SGCZ: variants seen among roughly 807,000 people sequenced by gnomAD.
SGCZ encodes zeta-sarcoglycan.
SGCZ carries 40 observed loss-of-function variants against 41.3 expected under a neutral mutation model. The ratio of observed to expected loss-of-function variants is 0.97; its 90% CI spans 0.75 to 1.26. The LOEUF is 1.26. Ranked by LOEUF, SGCZ falls within the 50% of genes most tolerant of loss-of-function variation. The pLI, the probability that SGCZ is intolerant of heterozygous loss-of-function variation, is 0.00. For missense variants in SGCZ, 552 were observed against 369.8 expected (o/e 1.49, Z -4.04); for synonymous variants, 206 against 137.5 (o/e 1.50, Z -3.49).
rs557897057 is a variant in SGCZ, at chr8:14,087,233, A to G, written c.*3210T>C. Among the ~76,000 whole-genome samples the G allele has an allele frequency of 6.6e-6, 1 of 151,806 alleles. No homozygotes were observed. The highest frequency in any genetic ancestry group is 2.4e-5 in the African/African-American group (1 of 41,508). On this transcript the variant is annotated 3_prime_UTR_variant, in exon 8 of 8. Coordinates refer to ENST00000382080, the MANE Select transcript of SGCZ (RefSeq NM_139167.4). ...TATGTGTGTGTATGACTAATAAGTA[A>G]GTACCGGATAGAAATTTTGGAAATG...
chr8:14,779,386 A>G (rs765595440), intron 1 of SGCZ, among the ~76,000 whole-genome samples: 1 of 152,172 alleles, frequency 6.6e-6, no homozygotes, highest in African/African-American at 2.4e-5. Context: ...TATTGGACAG[A>G]TGAGTATGCC....
chr8:14,772,665 G>A (rs1453093543), intron 1 of SGCZ, among the ~76,000 whole-genome samples: 1 of 146,096 alleles, frequency 6.8e-6, no homozygotes, highest in Non-Finnish European at 1.5e-5. Flanking sequence ...ACCTATGAGT[G>A]AGAACATGCG....
At chr8:14,388,574 T>C (rs1804653408) in intron 2 of SGCZ, among the ~76,000 whole-genome samples, 1 of 152,118 alleles carries the variant, frequency 6.6e-6, no homozygotes, top group East Asian at 1.9e-4. Context: ...AGAATTTTTA[T>C]GGTACGAGAA....
At chr8:14,654,610 C>T (rs536913921) in intron 1 of SGCZ, among the ~76,000 whole-genome samples, 2 of 152,108 alleles carry the variant, frequency 1.3e-5, no homozygotes, top group South Asian at 2.1e-4. Context: ...CTCGCTCTGT[C>T]GCCCAGGCTG....
At chr8:14,411,058 A>T (rs1799346515) in intron 2 of SGCZ, among the ~76,000 whole-genome samples, 1 of 152,184 alleles carries the variant, frequency 6.6e-6, no homozygotes, top group Admixed American at 6.5e-5. Context: ...TTAAAAAGCT[A>T]AAGAACATTT....
intron 1 of SGCZ, among the ~76,000 whole-genome samples, chr8:14,874,745 G>T (rs1804284976): frequency 1.3e-5 from 2 of 152,028 alleles, no homozygotes; most frequent in South Asian, 2.1e-4. Flanking sequence ...GGGGAATCAG[G>T]TTGCTCTAAA....
chr8:15,111,034 T>A (rs574499649), intron 1 of SGCZ, among the ~76,000 whole-genome samples: 1 of 152,160 alleles, frequency 6.6e-6, no homozygotes. Context: ...TGAGTCCTGC[T>A]GAGGCAGGAG....
chr8:14,453,991 CA>C (rs141086979), intron 2 of SGCZ, among the ~76,000 whole-genome samples: 18,516 of 149,318 alleles, frequency 0.12, 1,147 homozygotes, highest in African/African-American at 0.14. Context: ...GACAGTGACA[CA>C]AAAAAAAAAT....
At chr8:14,178,551 G>A (rs1036283152) in intron 4 of SGCZ, among the ~76,000 whole-genome samples, 1 of 152,156 alleles carries the variant, frequency 6.6e-6, no homozygotes, top group Admixed American at 6.5e-5. Context: ...TTGGATGTTT[G>A]TCTGTTGGAT....
chr8:15,222,542 C>A (rs780401886), intron 1 of SGCZ, among the ~76,000 whole-genome samples: 2 of 152,108 alleles, frequency 1.3e-5, no homozygotes, highest in Non-Finnish European at 2.9e-5. Flanking sequence ...AATGTATTAG[C>A]TTTTACCAGT....
At chr8:14,452,014 T>A (rs1358547852) in intron 2 of SGCZ, among the ~76,000 whole-genome samples, 1 of 152,214 alleles carries the variant, frequency 6.6e-6, no homozygotes, top group Admixed American at 6.6e-5. Flanking sequence ...TATGCCTACA[T>A]AAAATCATGC....
chr8:14,830,269 TG>T (rs1239999035), intron 1 of SGCZ, among the ~76,000 whole-genome samples: 2 of 152,080 alleles, frequency 1.3e-5, no homozygotes, highest in Non-Finnish European at 2.9e-5. Context: ...TTTTTTTTTT[TG>T]GTTTGCCTTA....
chr8:15,136,394 A>G (rs568018960), intron 1 of SGCZ, among the ~76,000 whole-genome samples: 1 of 151,964 alleles, frequency 6.6e-6, no homozygotes, highest in South Asian at 2.1e-4. Flanking sequence ...AGCATACTTG[A>G]TAAGAGGCAT....
intron 1 of SGCZ, among the ~76,000 whole-genome samples, chr8:15,021,911 G>C (rs1205189121): frequency 1.3e-5 from 2 of 152,020 alleles, no homozygotes; most frequent in Non-Finnish European, 2.9e-5. Flanking sequence ...GTCTCTTTTT[G>C]ACCCCGTTCA....
chr8:14,991,917 A>G (rs1802026889), intron 1 of SGCZ, among the ~76,000 whole-genome samples: 1 of 151,056 alleles, frequency 6.6e-6, no homozygotes, highest in South Asian at 2.1e-4. Flanking sequence ...ATACTCCCAA[A>G]ACCAGTGTTA....
chr8:14,674,808 T>C (rs1054307849), intron 1 of SGCZ, among the ~76,000 whole-genome samples: 6 of 151,846 alleles, frequency 4.0e-5, no homozygotes, highest in Non-Finnish European at 8.8e-5. Context: ...GCTTTTGCCA[T>C]GTAAACTGCC....
At chr8:15,111,011 G>C (rs1273679502) in intron 1 of SGCZ, among the ~76,000 whole-genome samples, 1 of 152,104 alleles carries the variant, frequency 6.6e-6, no homozygotes, top group African/African-American at 2.4e-5. Flanking sequence ...TTTTAAAATA[G>C]CATAACCAAC....
rs187414208 is a variant in SGCZ at position 14,191,546 on chromosome 8, A to G, written c.425-26844T>C. Among the ~76,000 whole-genome samples the G allele has an allele frequency of 2.0e-5, 3 of 152,202 alleles. No individual in the cohort carries two copies. In the East Asian group the frequency reaches 5.8e-4, roughly 29 times the overall value. ...TAAGGCTCTAATTTTATTCTTTGGTATGTATCATTTGGAAATGTACAAAAC... is the reference window on the plus strand; with the variant it reads ...TAAGGCTCTAATTTTATTCTTTGGTGTGTATCATTTGGAAATGTACAAAAC... On this transcript the variant is annotated intron_variant, in intron 4 of 7. Coordinates refer to ENST00000382080, the MANE Select transcript of SGCZ (RefSeq NM_139167.4).
chr8:15,076,346 A>G (rs1243585284), intron 1 of SGCZ, among the ~76,000 whole-genome samples: 1 of 152,156 alleles, frequency 6.6e-6, no homozygotes, highest in Non-Finnish European at 1.5e-5. Context: ...TTGAAGCGAG[A>G]CAGAGCAAGG....
Sources: gnomAD v4.1 joint callset for allele counts (sites outside exome capture counted in the v4.1 genomes callset) on GRCh38, gnomAD v4.1.1 for gene constraint, MANE v1.5 for transcripts, NCBI Gene and HGNC (gene_info 2026-07-23, HGNC 2026-07-21) for gene names.